The following AKR1B10 variants were observed in gnomAD, a reference collection of about 807,000 sequenced individuals.
The protein encoded by AKR1B10 is aldo-keto reductase family 1 member B10.
In AKR1B10, 39 loss-of-function variants were observed where a neutral mutation model predicts 38.9. That is an observed-to-expected ratio of 1.00 (90% CI 0.78 to 1.31). The LOEUF is 1.31. Ranked by LOEUF, AKR1B10 falls within the 50% of genes most tolerant of loss-of-function variation. The pLI, the probability that AKR1B10 is intolerant of heterozygous loss-of-function variation, is 0.00. For synonymous variants in AKR1B10, 148 were observed against 141.2 expected, an observed-to-expected ratio of 1.05 and a Z score of -0.34; for missense variants, 361 against 382.6, an observed-to-expected ratio of 0.94 and a Z score of 0.47.
At chr7:134,535,714 G>A (rs1231192218) in intron 4 of AKR1B10, 1 of 980,488 alleles carries the variant, frequency 1.0e-6, no homozygotes, top group Non-Finnish European at 1.2e-6. Flanking sequence ...ATGCCGCTGT[G>A]ATGTTATCTG....
At chr7:134,535,079 T>A (rs942026795) in intron 4 of AKR1B10, among the ~76,000 whole-genome samples, 1 of 152,094 alleles carries the variant, frequency 6.6e-6, no homozygotes, top group Non-Finnish European at 1.5e-5. Context: ...CTCGGACTCC[T>A]GGGCTGAAGC....
In AKR1B10 at chr7:134,539,016, C is replaced by G. The variant is rs779419227; in HGVS notation, c.907C>G (p.Gln303Glu). The G allele has an allele frequency of 7.1e-5, 115 of 1,613,722 alleles. No individual in the cohort carries two copies. The highest frequency in any genetic ancestry group is 8.3e-5 in the Admixed American group (5 of 60,030). The stretch of plus-strand genomic sequence containing the variant: ...AAACTGGAGGGCCTGTAACGTGTTG[C>G]AGTAAGTGGCATGGAGTTAACTAGA... The part of the protein sequence containing the change: ...NRNWRACNVL[Q>E]SSHLEDYPFN... The change falls in exon 9 of 10, where the codon CAA becomes GAA. Residue 303 changes from glutamine to glutamate, a missense_variant and splice_region_variant. By Grantham distance (29) the Gln-to-Glu change is conservative. This residue lies in a region of AKR1B10 where 132 missense variants were observed against 134.6 expected (regional missense o/e 0.98). Transcript: ENST00000359579.
intron 1 of AKR1B10, among the ~76,000 whole-genome samples, chr7:134,528,365 A>G (rs150862018): frequency 8.5e-5 from 13 of 152,052 alleles, no homozygotes; most frequent in African/African-American, 3.1e-4. Context: ...AGTCCTTGGC[A>G]CCCCTTTGCA....
At chr7:134,528,417 T>C (rs1389231166) in intron 1 of AKR1B10, among the ~76,000 whole-genome samples, 1 of 152,104 alleles carries the variant, frequency 6.6e-6, no homozygotes, top group South Asian at 2.1e-4. Flanking sequence ...CCCTATGACC[T>C]GGAAACTTGC....
intron 1 of AKR1B10, among the ~76,000 whole-genome samples, chr7:134,528,452 G>C (rs10270892): frequency 0.35 from 53,616 of 151,728 alleles, 9,614 homozygotes; most frequent in Non-Finnish European, 0.39. Context: ...GGCCAGGTGT[G>C]GTGGCTTATC....
At chr7:134,528,109 G>T in intron 1 of AKR1B10, 132 bp downstream of exon 1, 1 of 1,194,784 alleles carries the variant, frequency 8.4e-7, no homozygotes, top group Non-Finnish European at 1.2e-6. Context: ...CTGGAGCCAG[G>T]ACTTAGGTTG....
Position 134,537,171 on chromosome 7 carries a change from G to T in AKR1B10, c.659+14G>T, listed in dbSNP as rs1193231305. ...GGATAGACCTTGGTGAGGCTTCCAA[G>T]TGGTGGGTCTTTCTCTTGATAATCT... On this transcript the variant is annotated intron_variant, in intron 6 of 9. Transcript: ENST00000359579. The T allele has an allele frequency of 6.3e-7, 1 of 1,577,814 alleles. No individual in the cohort carries two copies. Among genetic ancestry groups the T allele is most frequent in the Non-Finnish European group, 8.6e-7 (1 of 1,164,832 alleles).
In AKR1B10 at chr7:134,541,174, A is replaced by C; in HGVS notation, c.*85A>C. The C allele has an allele frequency of 9.7e-7, 1 of 1,030,218 alleles. No individual in the cohort carries two copies. Among genetic ancestry groups the C allele is most frequent in the South Asian group, 1.5e-5 (1 of 68,620 alleles). 63.8% of individuals were successfully genotyped at this position (1,030,218 alleles called of 1,614,324 possible). A position where few individuals can be genotyped will look rare whatever the true frequency, so the allele number is the denominator to read the frequency against. On this transcript the variant is annotated 3_prime_UTR_variant, in exon 10 of 10. Transcript: ENST00000359579. ...CCTCCACTCATGTCCCATTTTAGCCAAGCTTATTTAAGATCACAGTGAACT... is the reference window on the plus strand; with the variant it reads ...CCTCCACTCATGTCCCATTTTAGCCCAGCTTATTTAAGATCACAGTGAACT...
chr7:134,531,859 G>C (rs1452639367), intron 2 of AKR1B10, 49 bp from the exon 3 acceptor site: 2 of 1,601,850 alleles, frequency 1.2e-6, no homozygotes, highest in African/African-American at 2.7e-5. Flanking sequence ...AGTACAATGT[G>C]GCCCTTCCTT....
intron 2 of AKR1B10, 125 bp downstream of exon 2, chr7:134,530,935 C>T (rs537070071): frequency 3.0e-6 from 4 of 1,320,506 alleles, no homozygotes; most frequent in Admixed American, 2.5e-5. Context: ...GCCTTGATAA[C>T]ATCCGTGAAT....
At chr7:134,535,585 C>CCTTTTTTTTTTTTT (rs1554396831) in intron 4 of AKR1B10, 1 of 401,994 alleles carries the variant, frequency 2.5e-6, no homozygotes, top group Non-Finnish European at 3.0e-6. Flanking sequence ...TCTTTTCTGT[C>CCTTTTTTTTTTTTT]TTTTTTTTTT....
Position 134,527,727 on chromosome 7 carries a change from TCCC to T in AKR1B10, c.-184_-182del. 1 of 470,658 alleles carries T rather than the reference TCCC, an allele frequency of 2.1e-6. No individual in the cohort carries two copies. Among genetic ancestry groups the T allele is most frequent in the Admixed American group, 4.3e-5 (1 of 23,120 alleles). 29.2% of individuals were successfully genotyped at this position (470,658 alleles called of 1,614,324 possible). A position where few individuals can be genotyped will look rare whatever the true frequency, so the allele number is the denominator to read the frequency against. ...TGGGAGTCACGGTGGGCGCCTGTAATCCCAGCTACTCGGGAGGCTGAGGCAGGA... is the reference window on the plus strand; with the variant it reads ...TGGGAGTCACGGTGGGCGCCTGTAATAGCTACTCGGGAGGCTGAGGCAGGA... On this transcript the variant is annotated 5_prime_UTR_variant, in exon 1 of 10. Transcript: ENST00000359579.
intron 7 of AKR1B10, 58 bp downstream of exon 7, chr7:134,537,719 C>G (rs1808051476): frequency 6.3e-7 from 1 of 1,593,258 alleles, no homozygotes; most frequent in Non-Finnish European, 8.6e-7. Context: ...TCTCGTGTTT[C>G]ATATCCTGTG....
rs558368849 is a variant in AKR1B10 at position 134,527,620 on chromosome 7, C to T, written c.-292C>T. 183 of 239,802 alleles carry T rather than the reference C, an allele frequency of 7.6e-4. 2 individuals carry two copies. In the South Asian group the frequency reaches 0.011, roughly 14 times the overall value. 14.9% of individuals were successfully genotyped at this position (239,802 alleles called of 1,614,324 possible). A position where few individuals can be genotyped will look rare whatever the true frequency, so the allele number is the denominator to read the frequency against. Reference sequence around the variant, plus strand: ...GTAGCTCACACCTGTAATCCCAGCACTTTGGAAGGCCGAGGTGGGCGGATC... The same window carrying T: ...GTAGCTCACACCTGTAATCCCAGCATTTTGGAAGGCCGAGGTGGGCGGATC... On this transcript the variant is annotated 5_prime_UTR_variant, in exon 1 of 10. Coordinates refer to ENST00000359579, the MANE Select transcript of AKR1B10 (RefSeq NM_020299.5).
intron 5 of AKR1B10, 119 bp from the exon 6 acceptor site, chr7:134,536,932 A>T: frequency 1.9e-6 from 3 of 1,582,560 alleles, no homozygotes; most frequent in South Asian, 1.2e-5. Flanking sequence ...TTTAGCAAGT[A>T]TCTCAGTGGG....
intron 1 of AKR1B10, among the ~76,000 whole-genome samples, chr7:134,528,671 G>T (rs1279079629): frequency 6.6e-6 from 1 of 152,178 alleles, no homozygotes; most frequent in Non-Finnish European, 1.5e-5. Flanking sequence ...GCTGCAATGA[G>T]CAGTGATTGT....
chr7:134,540,690 A>G (rs552202057), intron 9 of AKR1B10, among the ~76,000 whole-genome samples: 1 of 152,284 alleles, frequency 6.6e-6, no homozygotes, highest in South Asian at 2.1e-4. Flanking sequence ...ATCTCATTTA[A>G]TACTCAGAAC....
chr7:134,535,585 C>CTTTTTCTT (rs1807975673), intron 4 of AKR1B10: 1 of 401,994 alleles, frequency 2.5e-6, no homozygotes, highest in Non-Finnish European at 3.0e-6. Flanking sequence ...TCTTTTCTGT[C>CTTTTTCTT]TTTTTTTTTT....
chr7:134,538,326 CAGGCAGACCTTCTCACT>C, intron 8 of AKR1B10, 49 bp downstream of exon 8: 1 of 1,536,014 alleles, frequency 6.5e-7, no homozygotes, highest in Non-Finnish European at 9.0e-7. Context: ...GAGTGGGGGA[CAGGCAGACCTTCTCACT>C]AGGCTTCTCA....
Sources: gnomAD v4.1 joint callset for allele counts (sites outside exome capture counted in the v4.1 genomes callset) on GRCh38, gnomAD v4.1.1 for gene constraint, gnomAD v4.1.1 regional missense constraint, MANE v1.5 for transcripts, NCBI Gene and HGNC (gene_info 2026-07-23, HGNC 2026-07-21) for gene names.